PRDM11: variants seen among roughly 807,000 people sequenced by gnomAD.
PRDM11 encodes the protein PR domain-containing protein 11.
In PRDM11, 20 loss-of-function variants were observed where a neutral mutation model predicts 97.8. The observed-to-expected ratio is 0.20, with a 90% CI of 0.14 to 0.30. PRDM11 has a LOEUF of 0.30. Ranked by LOEUF, PRDM11 falls within the 10% of genes least tolerant of loss-of-function variation. The pLI is 1.00. For missense variants in PRDM11, 1,139 were observed against 1,555.2 expected (o/e 0.73, Z 4.50); for synonymous variants, 599 against 637.7 (o/e 0.94, Z 0.91).
At chr11:45,182,101 T>A (rs1852527763) in intron 2 of PRDM11, 145 bp from the exon 3 acceptor site, 1 of 753,324 alleles carries the variant, frequency 1.3e-6, no homozygotes, top group Admixed American at 2.6e-5. Context: ...CACCACCTCC[T>A]GCACTGAACA....
At position 45,162,047 on chromosome 11, in the gene PRDM11, C is replaced by G. The variant is rs550944949; in HGVS notation, c.-7+15170C>G. On this transcript the variant is annotated intron_variant, in intron 1 of 7. Transcript: ENST00000683152. ...TGGCCACACAGCTTGGCCTCCTGCC[C>G]TCTGGGCAGTGGCGTGTGTGTTCAT... Among the ~76,000 whole-genome samples the G allele has an allele frequency of 2.0e-5, 3 of 152,350 alleles. No individual in the cohort carries two copies. The South Asian group carries it at 6.2e-4, about 32-fold the overall frequency.
At chr11:45,107,896 C>G (rs1852090566) in intron 1 of PRDM11, among the ~76,000 whole-genome samples, 1 of 150,710 alleles carries the variant, frequency 6.6e-6, no homozygotes, top group Admixed American at 6.6e-5. Flanking sequence ...GTGGTGAGAG[C>G]TCAACTCATC....
At chr11:45,147,512 A>T (rs1359594157) in intron 1 of PRDM11, 1 of 152,322 alleles carries the variant, frequency 6.6e-6, no homozygotes, top group Non-Finnish European at 1.5e-5. Flanking sequence ...TTTAAGTGTC[A>T]GTTGCGGTGT....
At chr11:45,129,803 CA>C (rs749938904) in intron 1 of PRDM11, among the ~76,000 whole-genome samples, 3 of 151,042 alleles carry the variant, frequency 2.0e-5, no homozygotes, top group Non-Finnish European at 4.4e-5. Context: ...TATAAAAATG[CA>C]AAAAAAACCC....
At chr11:45,189,051 G>A (rs980990491) in intron 4 of PRDM11, among the ~76,000 whole-genome samples, 4 of 152,046 alleles carry the variant, frequency 2.6e-5, no homozygotes, top group African/African-American at 7.2e-5. Context: ...ACAGGCATGC[G>A]CCACCACATC....
rs112548357 is a variant in PRDM11 at position 45,195,073 on chromosome 11, T to C, written c.487-9638T>C. On this transcript the variant is annotated intron_variant, in intron 4 of 7. Transcript: ENST00000683152. The stretch of plus-strand genomic sequence containing the variant: ...CCTTCCTGGCATCCCATTGCTGGTC[T>C]TCCCACTTGCATGGAAACCTGTTTC... 3.0e-3 allele frequency among the ~76,000 whole-genome samples: 460 copies of C among 152,120 alleles called. 3 individuals carry two copies. The highest frequency in any genetic ancestry group is 0.01 in the African/African-American group (433 of 41,492).
At chr11:45,203,162 C>T (rs2034554326) in intron 4 of PRDM11, among the ~76,000 whole-genome samples, 1 of 152,106 alleles carries the variant, frequency 6.6e-6, no homozygotes, top group Admixed American at 6.5e-5. Flanking sequence ...GGTGACTATC[C>T]ATCTGTTTCC....
At chr11:45,156,903 C>A (rs746949695) in intron 1 of PRDM11, among the ~76,000 whole-genome samples, 2 of 152,108 alleles carry the variant, frequency 1.3e-5, no homozygotes, top group Non-Finnish European at 2.9e-5. Context: ...TGTGCAAAGG[C>A]AGGAACAGGA....
At chr11:45,187,345 A>G (rs1234744497) in intron 4 of PRDM11, among the ~76,000 whole-genome samples, 1 of 152,188 alleles carries the variant, frequency 6.6e-6, no homozygotes, top group East Asian at 1.9e-4. Flanking sequence ...GAAAAAATCT[A>G]AGACTGTGCC....
At chr11:45,148,027 T>C (rs1246745053) in intron 1 of PRDM11, among the ~76,000 whole-genome samples, 1 of 152,102 alleles carries the variant, frequency 6.6e-6, no homozygotes, top group African/African-American at 2.4e-5. Flanking sequence ...ACATTTCCTC[T>C]TGGGAGGGAG....
intron 5 of PRDM11, chr11:45,213,762 T>C (rs568186910): frequency 2.2e-6 from 1 of 456,240 alleles, no homozygotes; most frequent in East Asian, 7.0e-5. Context: ...ATTTTTATCA[T>C]CATCATCTGT....
intron 2 of PRDM11, 143 bp downstream of exon 2, chr11:45,182,028 C>G: frequency 1.2e-6 from 1 of 830,688 alleles, no homozygotes; most frequent in Non-Finnish European, 1.8e-6. Context: ...GGCGCAGGCT[C>G]TAGAAAAATC....
intron 3 of PRDM11, among the ~76,000 whole-genome samples, 198 bp from the exon 4 acceptor site, chr11:45,182,663 G>A (rs186394553): frequency 2.9e-4 from 44 of 152,304 alleles, no homozygotes; most frequent in Admixed American, 8.5e-4. Flanking sequence ...TGAGACAAAG[G>A]TAGCTGCTGG....
At chr11:45,149,792 T>A (rs1851616142) in intron 1 of PRDM11, among the ~76,000 whole-genome samples, 1 of 152,324 alleles carries the variant, frequency 6.6e-6, no homozygotes, top group South Asian at 2.1e-4. Flanking sequence ...ACATGCAACA[T>A]GAGTGAAAAC....
At chr11:45,225,164 A>C in intron 7 of PRDM11, 1 of 1,320,312 alleles carries the variant, frequency 7.6e-7, no homozygotes, top group Non-Finnish European at 9.7e-7. Flanking sequence ...CCAATTTCTA[A>C]ACCCAGTCTT....
rs939172868 is a variant in PRDM11, at chr11:45,232,474, A to G, written c.*4315A>G. ...CTTGGCCCATAGGTCCAATTTTGGC[A>G]GAAGGCATTGGACTTGTGCCCCCTC... On this transcript the variant is annotated 3_prime_UTR_variant, in exon 8 of 8. Transcript: ENST00000683152. 1.3e-5 allele frequency: 2 copies of G among 152,304 alleles called. No individual in the cohort carries two copies. The highest frequency in any genetic ancestry group is 4.8e-5 in the African/African-American group (2 of 41,462). 9.4% of individuals were successfully genotyped at this position (152,304 alleles called of 1,614,324 possible). A position where few individuals can be genotyped will look rare whatever the true frequency, so the allele number is the denominator to read the frequency against.
intron 1 of PRDM11, among the ~76,000 whole-genome samples, chr11:45,106,704 C>G (rs1355706195): frequency 6.6e-6 from 1 of 152,202 alleles, no homozygotes; most frequent in African/African-American, 2.4e-5. Context: ...GGACACTGAC[C>G]CATCTGCTCC....
intron 5 of PRDM11, chr11:45,212,987 C>G (rs1357639991): frequency 2.5e-6 from 1 of 395,278 alleles, no homozygotes; most frequent in South Asian, 1.9e-5. Context: ...ACCAGCTTCC[C>G]CAGCATCAGC....
intron 1 of PRDM11, among the ~76,000 whole-genome samples, chr11:45,126,320 C>G (rs1852571124): frequency 6.6e-6 from 1 of 151,958 alleles, no homozygotes; most frequent in Non-Finnish European, 1.5e-5. Context: ...TTAATTGGAG[C>G]ATTTAGCCCA....
Sources: allele counts gnomAD v4.1 joint callset (sites outside exome capture counted in the v4.1 genomes callset), GRCh38; gene constraint gnomAD v4.1.1; transcripts MANE v1.5; gene names NCBI Gene and HGNC (gene_info 2026-07-23, HGNC 2026-07-21).